IRF5: variants seen among roughly 807,000 people sequenced by gnomAD.
IRF5 encodes the protein interferon regulatory factor 5.
IRF5 carries 24 observed loss-of-function variants against 55.1 expected under a neutral mutation model. The ratio of observed to expected loss-of-function variants is 0.44; its 90% CI spans 0.32 to 0.61. The LOEUF is 0.61. Ranked by LOEUF, IRF5 falls within the 20% of genes least tolerant of loss-of-function variation. IRF5 has a pLI of 0.07. For missense variants in IRF5, 499 were observed against 658.5 expected (o/e 0.76, Z 2.65); for synonymous variants, 258 against 260.2 (o/e 0.99, Z 0.08).
At chr7:128,942,410 C>T (rs1585295163) in intron 2 of IRF5, 134 bp downstream of exon 2, 1 of 711,142 alleles carries the variant, frequency 1.4e-6, no homozygotes, top group East Asian at 2.9e-5. Flanking sequence ...GATGCCGGGC[C>T]CGGACTAAGG....
In IRF5 at chr7:128,948,913, A is replaced by C. The variant is rs1322561491; in HGVS notation, c.*95A>C. 2.7e-6 allele frequency: 4 copies of C among 1,463,934 alleles called. No individual in the cohort carries two copies. The African/African-American group carries it at 5.6e-5, about 20-fold the overall frequency. The allele number at this position is 1,463,934 out of a possible 1,614,324, so 90.7% of individuals were successfully genotyped here. On this transcript the variant is annotated 3_prime_UTR_variant, in exon 9 of 9. Transcript: ENST00000357234. The surrounding 1 kb of genome is among the most constrained non-coding windows in gnomAD (Gnocchi z 4.6). Reference sequence around the variant, plus strand: ...CCCCGATGAGCACCTGGCTGGCTGCAGGGTCCTACCTCTGGGTTTCCTGGA... The same window carrying C: ...CCCCGATGAGCACCTGGCTGGCTGCCGGGTCCTACCTCTGGGTTTCCTGGA...
chr7:128,948,873 G>A lies in IRF5; in HGVS notation c.*55G>A, dbSNP rs1796478852. The A allele has an allele frequency of 6.4e-7, 1 of 1,569,290 alleles. No individual in the cohort carries two copies. Among genetic ancestry groups the A allele is most frequent in the Non-Finnish European group, 8.6e-7 (1 of 1,163,490 alleles). On this transcript the variant is annotated 3_prime_UTR_variant, in exon 9 of 9. Transcript: ENST00000357234. The surrounding 1 kb of genome is among the most constrained non-coding windows in gnomAD (Gnocchi z 4.6). ...TTCCTGGGTGGCGGTGCGGACTGAT[G>A]TGGAGATGTGACAGCCCCGATGAGC...
chr7:128,948,952 C>G lies in IRF5; in HGVS notation c.*134C>G. 1 of 1,122,812 alleles carries G rather than the reference C, an allele frequency of 8.9e-7. No individual in the cohort carries two copies. The highest frequency in any genetic ancestry group is 1.6e-5 in the African/African-American group (1 of 64,116). The allele number at this position is 1,122,812 out of a possible 1,614,324, so 69.6% of individuals were successfully genotyped here. On this transcript the variant is annotated 3_prime_UTR_variant, in exon 9 of 9. Coordinates refer to ENST00000357234, the MANE Select transcript of IRF5 (RefSeq NM_001098629.3). The surrounding 1 kb of genome is among the most constrained non-coding windows in gnomAD (Gnocchi z 4.6). ...GGGTTTCCTGGAAGTGGATTTGGGCCAAGAAGGAGAGGGAGAAAGGCCCGA... is the reference window on the plus strand; with the variant it reads ...GGGTTTCCTGGAAGTGGATTTGGGCGAAGAAGGAGAGGGAGAAAGGCCCGA...
chr7:128,948,338 C>A lies in IRF5; in HGVS notation c.1299+10C>A. On this transcript the variant is annotated intron_variant, in intron 8 of 8. Transcript: ENST00000357234. This position sits in a 1 kb window ranked among gnomAD's most constrained non-coding sequence, Gnocchi z 4.6. The stretch of plus-strand genomic sequence containing the variant: ...GCTCATTACTGTACAGGTACATCTC[C>A]CCTATCCCAAAGTCGGCCTTGGCTT... 1.9e-6 allele frequency: 3 copies of A among 1,573,474 alleles called. No homozygotes were observed. The highest frequency in any genetic ancestry group is 1.2e-5 in the South Asian group (1 of 84,650).
rs1322489944 is a variant in IRF5 at position 128,942,190 on chromosome 7, A to G, written c.109A>G (p.Asn37Asp). 3 of 1,613,984 alleles carry G rather than the reference A, an allele frequency of 1.9e-6. No individual in the cohort carries two copies. The African/African-American group carries it at 4.0e-5, about 22-fold the overall frequency. The change falls in exon 2 of 9, where the codon AAC becomes GAC. Residue 37 changes from asparagine to aspartate, a missense_variant. Coordinates refer to ENST00000357234, the MANE Select transcript of IRF5 (RefSeq NM_001098629.3). ...SCQYPGLQWV[N>D]GEKKLFCIPW... ...CCAGTACCCAGGGCTTCAATGGGTC[A>G]ACGGGGAAAAGAAATTATTCTGCAT...
At position 128,947,714 on chromosome 7, in the gene IRF5, C is replaced by A. The variant is rs952356363; in HGVS notation, c.788-15C>A. 3.8e-6 allele frequency: 6 copies of A among 1,587,168 alleles called. No homozygotes were observed. The highest frequency in any genetic ancestry group is 5.1e-6 in the Non-Finnish European group (6 of 1,170,390). On this transcript the variant is annotated splice_polypyrimidine_tract_variant and intron_variant, in intron 6 of 8. Coordinates refer to ENST00000357234, the MANE Select transcript of IRF5 (RefSeq NM_001098629.3). The surrounding 1 kb of genome is among the most constrained non-coding windows in gnomAD (Gnocchi z 6.5). Reference sequence around the variant, plus strand: ...GGGGCTCAAGGACGGGATGGGCCTGCCTTCTGCCCCACAGTGACCGACCTG... The same window carrying A: ...GGGGCTCAAGGACGGGATGGGCCTGACTTCTGCCCCACAGTGACCGACCTG...
At chr7:128,945,053 G>A (rs1796226638) in intron 2 of IRF5, among the ~76,000 whole-genome samples, 1 of 152,198 alleles carries the variant, frequency 6.6e-6, no homozygotes, top group South Asian at 2.1e-4. Flanking sequence ...AATACCAACA[G>A]CTCCAGTGTC....
In IRF5 at chr7:128,947,328, ACTCTGCAGCCGCCCAC is replaced by A; in HGVS notation, c.581_596del (p.Thr194IlefsTer57). On this transcript the variant is annotated frameshift_variant, in exon 6 of 9. Coordinates refer to ENST00000357234, the MANE Select transcript of IRF5 (RefSeq NM_001098629.3). LOFTEE classifies it high-confidence loss of function. This position sits in a 1 kb window ranked among gnomAD's most constrained non-coding sequence, Gnocchi z 6.5. Reference sequence around the variant, plus strand: ...GCAGCCGCCCACTCTGCGGCCGCCTACTCTGCAGCCGCCCACTCTGCAGCCGCCCGTGGTGCTGGGT... The same window carrying A: ...GCAGCCGCCCACTCTGCGGCCGCCTATCTGCAGCCGCCCGTGGTGCTGGGT... 3.0e-6 allele frequency: 2 copies of A among 674,866 alleles called. No individual in the cohort carries two copies. The highest frequency in any genetic ancestry group is 4.3e-6 in the Non-Finnish European group (2 of 466,652). 41.8% of individuals were successfully genotyped at this position (674,866 alleles called of 1,614,324 possible).
chr7:128,942,498 G>A (rs1295881841), intron 2 of IRF5, among the ~76,000 whole-genome samples: 1 of 151,622 alleles, frequency 6.6e-6, no homozygotes, highest in Non-Finnish European at 1.5e-5. Context: ...TGTAGCCCAG[G>A]CTGGAGTGCA....
Position 128,946,990 on chromosome 7 carries a change from C to G in IRF5, c.448-33C>G. On this transcript the variant is annotated intron_variant, in intron 4 of 8. Transcript: ENST00000357234. This position sits in a 1 kb window ranked among gnomAD's most constrained non-coding sequence, Gnocchi z 4.2. The stretch of plus-strand genomic sequence containing the variant: ...TAACCTGTCCTCCTTTCTCTCCCAT[C>G]TCTTCCCTCCCTTGCTGGTGGTGTC... 1 of 1,613,792 alleles carries G rather than the reference C, an allele frequency of 6.2e-7. No homozygotes were observed. Among genetic ancestry groups the G allele is most frequent in the Non-Finnish European group, 8.5e-7 (1 of 1,179,776 alleles).
Position 128,943,023 on chromosome 7 carries a change from ATTTT to A in IRF5, c.195+772_195+775del, listed in dbSNP as rs34539872. 5 of 86,916 alleles carry A rather than the reference ATTTT, an allele frequency of 5.8e-5. No individual in the cohort carries two copies. The South Asian group carries it at 1.1e-3, about 18-fold the overall frequency. 5.4% of individuals were successfully genotyped at this position (86,916 alleles called of 1,614,324 possible). A position where few individuals can be genotyped will look rare whatever the true frequency, so the allele number is the denominator to read the frequency against. ...GCCTCACACTGTTGACCAGATTCCAATTTTTTTTTTTTTTTTTTTTTTTTTTTTG... is the reference window on the plus strand; with the variant it reads ...GCCTCACACTGTTGACCAGATTCCAATTTTTTTTTTTTTTTTTTTTTTTTG... On this transcript the variant is annotated intron_variant, in intron 2 of 8. Transcript: ENST00000357234.
At position 128,947,668 on chromosome 7, in the gene IRF5, G is replaced by A; in HGVS notation, c.788-61G>A. The A allele has an allele frequency of 1.3e-6, 2 of 1,524,538 alleles. No individual in the cohort carries two copies. The highest frequency in any genetic ancestry group is 1.8e-6 in the Non-Finnish European group (2 of 1,140,704). The allele number at this position is 1,524,538 out of a possible 1,614,324, so 94.4% of individuals were successfully genotyped here. A position where few individuals can be genotyped will look rare whatever the true frequency, so the allele number is the denominator to read the frequency against. ...CGGATGGGGCTGGGCCTGGCCACTG[G>A]GCTGCAGAATGGGGAGGCGTGGGGC... On this transcript the variant is annotated intron_variant, in intron 6 of 8. Transcript: ENST00000357234. The surrounding 1 kb of genome is among the most constrained non-coding windows in gnomAD (Gnocchi z 6.5).
intron 2 of IRF5, 49 bp from the exon 3 acceptor site, chr7:128,945,796 T>C: frequency 6.4e-7 from 1 of 1,560,916 alleles, no homozygotes; most frequent in Non-Finnish European, 8.7e-7. Context: ...AGACTGGGGC[T>C]GTGGCAGGGA....
At position 128,948,386 on chromosome 7, in the gene IRF5, T is replaced by TA. The variant is rs1219424245; in HGVS notation, c.1299+59dup. On this transcript the variant is annotated intron_variant, in intron 8 of 8. Transcript: ENST00000357234. The surrounding 1 kb of genome is among the most constrained non-coding windows in gnomAD (Gnocchi z 4.6). ...CTTGAAAACTGGGGAATCCTGGGGC[T>TA]AGGCCCTTGCCCCAGGCTGGAGGCT... 1.4e-5 allele frequency: 21 copies of TA among 1,474,084 alleles called. No individual in the cohort carries two copies. In the African/African-American group the frequency reaches 2.5e-4, roughly 18 times the overall value. 91.3% of individuals were successfully genotyped at this position (1,474,084 alleles called of 1,614,324 possible). A position where few individuals can be genotyped will look rare whatever the true frequency, so the allele number is the denominator to read the frequency against.
At position 128,946,019 on chromosome 7, in the gene IRF5, G is replaced by A. The variant is rs1321363449; in HGVS notation, c.370G>A (p.Gly124Ser). 1 of 1,603,998 alleles carries A rather than the reference G, an allele frequency of 6.2e-7. No homozygotes were observed. Among genetic ancestry groups the A allele is most frequent in the African/African-American group, 1.3e-5 (1 of 74,162 alleles). Reference sequence around the variant, plus strand: ...CAAGATCTACGAGGTCTGCTCCAATGGCCCTGCTCCCACAGGTATCAGGCC... The same window carrying A: ...CAAGATCTACGAGGTCTGCTCCAATAGCCCTGCTCCCACAGGTATCAGGCC... ...PYKIYEVCSN[G>S]PAPTDSQPPE... The change falls in exon 3 of 9, where the codon GGC becomes AGC. Residue 124 changes from glycine to serine, a missense_variant. By Grantham distance (56) the Gly-to-Ser change is moderately conservative. Around this residue, in one of 2 missense-constraint regions of IRF5, gnomAD observed 305 missense variants for 340.2 expected, o/e 0.90. Transcript: ENST00000357234. The surrounding 1 kb of genome is among the most constrained non-coding windows in gnomAD (Gnocchi z 4.2).
rs1339091629 is a variant in IRF5 at position 128,944,082 on chromosome 7, G to A, written c.196-1763G>A. 2.6e-5 allele frequency among the ~76,000 whole-genome samples: 4 copies of A among 152,160 alleles called. No homozygotes were observed. In the South Asian group the frequency reaches 8.3e-4, roughly 31 times the overall value. ...CATTTTAGTTTTTTTGCACATGTGT[G>A]TATATGGAATGCAAAATTGGAATCA... On this transcript the variant is annotated intron_variant, in intron 2 of 8. Transcript: ENST00000357234.
rs185438400 is a variant in IRF5 at position 128,948,891 on chromosome 7, C to A, written c.*73C>A. ...GACTGATGTGGAGATGTGACAGCCCCGATGAGCACCTGGCTGGCTGCAGGG... is the reference window on the plus strand; with the variant it reads ...GACTGATGTGGAGATGTGACAGCCCAGATGAGCACCTGGCTGGCTGCAGGG... On this transcript the variant is annotated 3_prime_UTR_variant, in exon 9 of 9. Coordinates refer to ENST00000357234, the MANE Select transcript of IRF5 (RefSeq NM_001098629.3). The surrounding 1 kb of genome is among the most constrained non-coding windows in gnomAD (Gnocchi z 4.6). The A allele has an allele frequency of 1.3e-6, 2 of 1,530,000 alleles. No individual in the cohort carries two copies. Among genetic ancestry groups the A allele is most frequent in the East Asian group, 4.5e-5 (2 of 44,184 alleles). 94.8% of individuals were successfully genotyped at this position (1,530,000 alleles called of 1,614,324 possible). A position where few individuals can be genotyped will look rare whatever the true frequency, so the allele number is the denominator to read the frequency against.
In IRF5 at chr7:128,949,235, T is replaced by TC. The variant is rs1796498849; in HGVS notation, c.*419dup. On this transcript the variant is annotated 3_prime_UTR_variant, in exon 9 of 9. Coordinates refer to ENST00000357234, the MANE Select transcript of IRF5 (RefSeq NM_001098629.3). ...TGATTTCCCTGGTTTGAGACTCACT[T>TC]CCTCATCTCCCTGTCCTCTGAGATA... 5.5e-6 allele frequency: 1 copy of TC among 182,032 alleles called. No individual in the cohort carries two copies. The highest frequency in any genetic ancestry group is 2.4e-5 in the African/African-American group (1 of 42,328). 11.3% of individuals were successfully genotyped at this position (182,032 alleles called of 1,614,324 possible).
chr7:128,948,872 T>G lies in IRF5; in HGVS notation c.*54T>G, dbSNP rs893403791. ...CTTCCTGGGTGGCGGTGCGGACTGA[T>G]GTGGAGATGTGACAGCCCCGATGAG... On this transcript the variant is annotated 3_prime_UTR_variant, in exon 9 of 9. Transcript: ENST00000357234. The surrounding 1 kb of genome is among the most constrained non-coding windows in gnomAD (Gnocchi z 4.6). 2 of 1,568,970 alleles carry G rather than the reference T, an allele frequency of 1.3e-6. No individual in the cohort carries two copies. The highest frequency in any genetic ancestry group is 2.7e-5 in the African/African-American group (2 of 74,166).
Sources: gnomAD v4.1 joint callset for allele counts (sites outside exome capture counted in the v4.1 genomes callset) on GRCh38, gnomAD v4.1.1 for gene constraint, gnomAD v4.1.1 regional missense constraint, Gnocchi (gnomAD v3.1) non-coding constraint, MANE v1.5 for transcripts, NCBI Gene and HGNC (gene_info 2026-07-23, HGNC 2026-07-21) for gene names.